Variants in NRG1 observed in about 807,000 individuals in gnomAD.
NRG1 encodes neuregulin 1.
Under a neutral mutation model 63.8 loss-of-function variants are expected in NRG1, and 18 were observed. The observed-to-expected ratio is 0.28, with a 90% CI of 0.19 to 0.42. NRG1 has a LOEUF of 0.42. NRG1 is among the 10% of genes least tolerant of loss of function. NRG1 has a pLI of 1.00. For synonymous variants in NRG1, 302 were observed against 301.3 expected, an observed-to-expected ratio of 1.00 and a Z score of -0.02; for missense variants, 762 against 814.7, an observed-to-expected ratio of 0.94 and a Z score of 0.79.
chr8:31,871,093 C>T (rs1247311370), intron 1 of NRG1, among the ~76,000 whole-genome samples: 2 of 151,694 alleles, frequency 1.3e-5, no homozygotes, highest in Non-Finnish European at 2.9e-5. Context: ...TCTCCTGCCT[C>T]AGCCTCCCGA....
chr8:32,111,413 G>A (rs950160329), intron 1 of NRG1, among the ~76,000 whole-genome samples: 12 of 152,210 alleles, frequency 7.9e-5, no homozygotes, highest in East Asian at 1.9e-4. Context: ...CACTGCTCCC[G>A]GACTTGCTGT....
chr8:32,110,053 T>G (rs976071628), intron 1 of NRG1, among the ~76,000 whole-genome samples: 1 of 152,176 alleles, frequency 6.6e-6, no homozygotes, highest in Non-Finnish European at 1.5e-5. Context: ...GAACTAATAT[T>G]TGCAAACCCC....
intron 1 of NRG1, among the ~76,000 whole-genome samples, chr8:32,584,417 TC>T (rs1159332878): frequency 6.6e-6 from 1 of 152,104 alleles, no homozygotes; most frequent in Non-Finnish European, 1.5e-5. Flanking sequence ...GTTTTAAAGG[TC>T]CTTAGAAAGT....
chr8:32,134,588 T>C (rs1194657676), intron 1 of NRG1, among the ~76,000 whole-genome samples: 1 of 152,312 alleles, frequency 6.6e-6, no homozygotes, highest in African/African-American at 2.4e-5. Context: ...CCAAGTACTA[T>C]TTAAATGGTG....
intron 5 of NRG1, among the ~76,000 whole-genome samples, chr8:32,688,835 G>T (rs2128931344): frequency 6.6e-6 from 1 of 152,190 alleles, no homozygotes; most frequent in African/African-American, 2.4e-5. Context: ...TCCTATTCCT[G>T]ATTTTATTAT....
At chr8:32,557,696 C>T (rs1481978992) in intron 1 of NRG1, among the ~76,000 whole-genome samples, 1 of 152,054 alleles carries the variant, frequency 6.6e-6, no homozygotes, top group Non-Finnish European at 1.5e-5. Context: ...AGAGTTGGAA[C>T]CTTCCCGGGG....
intron 1 of NRG1, among the ~76,000 whole-genome samples, chr8:32,549,031 G>A (rs113350646): frequency 0.19 from 29,047 of 152,120 alleles, 2,868 homozygotes; most frequent in Non-Finnish European, 0.21. Context: ...GGGCGCCTAC[G>A]CCCAGAGCTC....
chr8:32,518,206 C>T (rs376831916), intron 1 of NRG1, among the ~76,000 whole-genome samples: 57 of 152,238 alleles, frequency 3.7e-4, no homozygotes, highest in African/African-American at 1.2e-3. Context: ...CCTTGCAATT[C>T]AAAGAGCATA....
At chr8:32,534,866 T>C (rs1831801828) in intron 1 of NRG1, among the ~76,000 whole-genome samples, 1 of 152,172 alleles carries the variant, frequency 6.6e-6, no homozygotes, top group Non-Finnish European at 1.5e-5. Context: ...CACTATGTTT[T>C]TGAGCATTCT....
chr8:32,200,373 T>C (rs1221783878), intron 1 of NRG1, among the ~76,000 whole-genome samples: 1 of 152,204 alleles, frequency 6.6e-6, no homozygotes, highest in Non-Finnish European at 1.5e-5. Flanking sequence ...TAGAGCACGT[T>C]GTTCTCCTTT....
At chr8:32,470,925 G>A (rs1823767611) in intron 1 of NRG1, among the ~76,000 whole-genome samples, 1 of 151,980 alleles carries the variant, frequency 6.6e-6, no homozygotes, top group Non-Finnish European at 1.5e-5. Context: ...ACCTTCCTGA[G>A]CAGCTGGGAC....
chr8:32,191,622 A>G (rs1313833713), intron 1 of NRG1, among the ~76,000 whole-genome samples: 1 of 152,184 alleles, frequency 6.6e-6, no homozygotes, highest in Non-Finnish European at 1.5e-5. Context: ...ACCTGTTTGG[A>G]TCTGCTAGGT....
At chr8:32,710,558 A>G (rs893806298) in intron 5 of NRG1, among the ~76,000 whole-genome samples, 5 of 152,186 alleles carry the variant, frequency 3.3e-5, no homozygotes, top group African/African-American at 4.8e-5. Flanking sequence ...TTGGTCTCAT[A>G]AAAAAGTAAA....
chr8:32,225,183 A>G (rs77301382), intron 1 of NRG1, among the ~76,000 whole-genome samples: 1 of 152,220 alleles, frequency 6.6e-6, no homozygotes, highest in African/African-American at 2.4e-5. Flanking sequence ...AAAACCTGCT[A>G]CCTCCCTGGA....
At chr8:32,438,290 T>C (rs1473341719) in intron 1 of NRG1, among the ~76,000 whole-genome samples, 4 of 152,198 alleles carry the variant, frequency 2.6e-5, no homozygotes, top group Admixed American at 1.3e-4. Flanking sequence ...GTATTGGTTT[T>C]TTCCAATCAG....
intron 1 of NRG1, among the ~76,000 whole-genome samples, chr8:31,929,369 A>G (rs1292182321): frequency 6.6e-6 from 1 of 152,130 alleles, no homozygotes; most frequent in Non-Finnish European, 1.5e-5. Context: ...ATACTTTTCT[A>G]CATGATTGGA....
chr8:31,937,278 A>C (rs2129620533), intron 1 of NRG1, among the ~76,000 whole-genome samples: 1 of 152,376 alleles, frequency 6.6e-6, no homozygotes, highest in African/African-American at 2.4e-5. Context: ...TTTTGGTTGA[A>C]TTAAACAGTG....
At chr8:32,622,277 G>C (rs1040659871) in intron 5 of NRG1, among the ~76,000 whole-genome samples, 1 of 152,084 alleles carries the variant, frequency 6.6e-6, no homozygotes, top group African/African-American at 2.4e-5. Flanking sequence ...CAGAGACCCT[G>C]TCTCAAAAAT....
intron 1 of NRG1, among the ~76,000 whole-genome samples, chr8:32,159,550 A>G (rs1192799150): frequency 6.6e-6 from 1 of 151,750 alleles, no homozygotes; most frequent in Non-Finnish European, 1.5e-5. Flanking sequence ...CAAAAAAAAA[A>G]AAAAAAAAGA....
Sources: gnomAD v4.1 joint callset for allele counts (sites outside exome capture counted in the v4.1 genomes callset) on GRCh38, gnomAD v4.1.1 for gene constraint, MANE v1.5 for transcripts, NCBI Gene and HGNC (gene_info 2026-07-23, HGNC 2026-07-21) for gene names.